Variants in FANCI observed in about 807,000 individuals in gnomAD.
The protein encoded by FANCI is FA complementation group I.
Under a neutral mutation model 176.1 loss-of-function variants are expected in FANCI, and 156 were observed. That is an observed-to-expected ratio of 0.89 (90% confidence interval 0.78 to 1.01). The LOEUF is 1.01. Among genes scored for constraint, FANCI ranks in the 50% least tolerant of loss-of-function variants. FANCI has a pLI of 0.00. For missense variants in FANCI, 1,678 were observed against 1,534.1 expected (o/e 1.09, Z -1.57); for synonymous variants, 613 against 541.7 (o/e 1.13, Z -1.83).
rs756322546 is a variant in FANCI at position 89,292,970 on chromosome 15, C to G, written c.2198C>G (p.Thr733Ser). 2 of 1,613,854 alleles carry G rather than the reference C, an allele frequency of 1.2e-6. No homozygotes were observed. Among genetic ancestry groups the G allele is most frequent in the Non-Finnish European group, 1.7e-6 (2 of 1,179,980 alleles). ...LDKSADFSQS[T>S]SIGIKNNICA... is the part of the protein sequence containing the mutation. ...AAATCAGCAGATTTTTCTCAGAGCACCAGTATTGGCATAAAAAATAATATC... is the reference window on the plus strand; with the variant it reads ...AAATCAGCAGATTTTTCTCAGAGCAGCAGTATTGGCATAAAAAATAATATC... Residue 733 changes from threonine (T) to serine (S), a missense_variant, in exon 22 of 38, where the codon ACC becomes AGC. By Grantham distance (58) the Thr-to-Ser change is moderately conservative. Coordinates refer to ENST00000310775, the MANE Select transcript of FANCI (RefSeq NM_001113378.2).
chr15:89,263,317 A>G, intron 6 of FANCI, 102 bp from the exon 7 acceptor site: 1 of 935,088 alleles, frequency 1.1e-6, no homozygotes, highest in Non-Finnish European at 1.7e-6. Flanking sequence ...GGTATTGCAA[A>G]ATCAAACTTG....
intron 3 of FANCI, chr15:89,258,982 G>C (rs946294373): frequency 1.5e-5 from 8 of 549,270 alleles, no homozygotes; most frequent in Non-Finnish European, 2.6e-5. Context: ...ACCTGAGATT[G>C]CGTTGCTGAT....
Position 89,276,344 on chromosome 15 carries a change from T to A in FANCI, c.1113-367T>A, listed in dbSNP as rs145989611. Among the ~76,000 whole-genome samples the A allele has an allele frequency of 2.6e-3, 402 of 152,328 alleles. 8 individuals are homozygous for A. Among genetic ancestry groups the A allele is most frequent in the East Asian group, 0.015 (77 of 5,186 alleles). ...CCTCTCTCCTAGAGAATCTCTGTCT[T>A]TGGAGGGGAGCTAATTTGTAAGCCT... On this transcript the variant is annotated intron_variant, in intron 12 of 37. Transcript: ENST00000310775.
In FANCI at chr15:89,294,105, C is replaced by T. The variant is rs1043461198; in HGVS notation, c.2456+108C>T. 4.6e-5 allele frequency: 58 copies of T among 1,267,560 alleles called. No homozygotes were observed. The African/African-American group carries it at 8.3e-4, about 18-fold the overall frequency. The allele number at this position is 1,267,560 out of a possible 1,614,324, so 78.5% of individuals were successfully genotyped here. On this transcript the variant is annotated intron_variant, in intron 23 of 37. Coordinates refer to ENST00000310775, the MANE Select transcript of FANCI (RefSeq NM_001113378.2). ...GGATTGTTTACAGTAAGAAATAAGT[C>T]AGGAGGTTTTATTTTTCTTGAAATA... is the stretch of plus-strand genomic sequence containing the variant.
At chr15:89,245,573 G>C (rs1188240116) in intron 1 of FANCI, among the ~76,000 whole-genome samples, 1 of 151,784 alleles carries the variant, frequency 6.6e-6, no homozygotes, top group African/African-American at 2.4e-5. Flanking sequence ...AAAGATTGGG[G>C]GGCAGTGGAT....
intron 35 of FANCI, among the ~76,000 whole-genome samples, chr15:89,314,354 CCCT>C (rs1158075178): frequency 6.6e-6 from 1 of 152,182 alleles, no homozygotes; most frequent in African/African-American, 2.4e-5. Flanking sequence ...AGTGATCCTG[CCCT>C]CCTCAGCCAT....
intron 9 of FANCI, among the ~76,000 whole-genome samples, chr15:89,267,359 C>T (rs2053011491): frequency 6.8e-6 from 1 of 147,428 alleles, no homozygotes; most frequent in South Asian, 2.1e-4. Context: ...TGAGAAGAGG[C>T]CAGTGATGAT....
In FANCI at chr15:89,283,266, G is replaced by A. The variant is rs142941067; in HGVS notation, c.1698+16G>A. ...TGTCAGTCAGGTAAGGATTATTTAC[G>A]TTAACTTGCAGTGTGTGCGTATCAT... is the stretch of plus-strand genomic sequence containing the variant. On this transcript the variant is annotated intron_variant, in intron 17 of 37. Transcript: ENST00000310775. 1,884 of 1,613,670 alleles carry A rather than the reference G, an allele frequency of 1.2e-3. 4 individuals are homozygous for A. The highest frequency in any genetic ancestry group is 1.5e-3 in the Non-Finnish European group (1,812 of 1,179,774).
Position 89,300,289 on chromosome 15 carries a change from T to C in FANCI, c.2804-11T>C. On this transcript the variant is annotated splice_polypyrimidine_tract_variant and intron_variant, in intron 25 of 37. Transcript: ENST00000310775. ...TATCAAAGAAGACAAGAGTTTCTTTTCCATTCCTAGATGTCACAGATAAGG... is the reference window on the plus strand; with the variant it reads ...TATCAAAGAAGACAAGAGTTTCTTTCCCATTCCTAGATGTCACAGATAAGG... 6.2e-7 allele frequency: 1 copy of C among 1,612,082 alleles called. No individual in the cohort carries two copies. The highest frequency in any genetic ancestry group is 1.1e-5 in the South Asian group (1 of 90,934).
In FANCI at chr15:89,314,058, G is replaced by GACAC. The variant is rs544351534; in HGVS notation, c.3721-538_3721-535dup. Among the ~76,000 whole-genome samples the GACAC allele has an allele frequency of 1.4e-4, 9 of 62,282 alleles. No homozygotes were observed. In the South Asian group the frequency reaches 2.5e-3, roughly 17 times the overall value. The allele number at this position is 62,282 out of a possible 152,430, so 40.9% of individuals were successfully genotyped here. On this transcript the variant is annotated intron_variant, in intron 35 of 37. Coordinates refer to ENST00000310775, the MANE Select transcript of FANCI (RefSeq NM_001113378.2). ...TTAGGGGGAAAGATATATAATCACA[G>GACAC]ACACACACACACACACACAAATGTA...
Position 89,273,519 on chromosome 15 carries a change from A to C in FANCI, c.975+50A>C, listed in dbSNP as rs747532056. On this transcript the variant is annotated intron_variant, in intron 11 of 37. Coordinates refer to ENST00000310775, the MANE Select transcript of FANCI (RefSeq NM_001113378.2). ...TTTCTTTCTGTAGTTGGTAAAAAAA[A>C]AAAAAAAAAAAAAAAATCACAGTAA... 2.1e-5 allele frequency: 21 copies of C among 986,298 alleles called. No individual in the cohort carries two copies. In the African/African-American group the frequency reaches 2.9e-4, roughly 14 times the overall value. 61.1% of individuals were successfully genotyped at this position (986,298 alleles called of 1,614,324 possible).
chr15:89,278,933 C>G (rs1255780892), intron 14 of FANCI, among the ~76,000 whole-genome samples, 159 bp downstream of exon 14: 1 of 152,154 alleles, frequency 6.6e-6, no homozygotes, highest in Non-Finnish European at 1.5e-5. Context: ...CTGGGATTGT[C>G]AGTTGTCAAA....
chr15:89,285,245 A>G, intron 18 of FANCI, 27 bp downstream of exon 18: 4 of 1,613,420 alleles, frequency 2.5e-6, no homozygotes, highest in Non-Finnish European at 1.7e-6. Context: ...GAAAGAATGT[A>G]GCAAAACCCC....
At chr15:89,312,174 C>G (rs777079125) in intron 34 of FANCI, among the ~76,000 whole-genome samples, 12 of 152,114 alleles carry the variant, frequency 7.9e-5, no homozygotes, top group Non-Finnish European at 1.3e-4. Context: ...ACTGCAGGGC[C>G]CTGCAGCAGC....
intron 27 of FANCI, among the ~76,000 whole-genome samples, chr15:89,302,642 C>T (rs1360437416): frequency 3.3e-5 from 5 of 151,482 alleles, no homozygotes; most frequent in African/African-American, 7.3e-5. Flanking sequence ...GGCGCCATCT[C>T]AGCTCACTGC....
chr15:89,276,629 A>G, intron 12 of FANCI, 82 bp from the exon 13 acceptor site: 5 of 1,489,560 alleles, frequency 3.4e-6, no homozygotes, highest in Non-Finnish European at 4.7e-6. Context: ...AAGTTTGGGA[A>G]ATGTATAACA....
At chr15:89,268,283 C>T in intron 9 of FANCI, 116 bp from the exon 10 acceptor site, 1 of 1,051,970 alleles carries the variant, frequency 9.5e-7, no homozygotes, top group Non-Finnish European at 1.5e-6. Context: ...TTAGTAGAGG[C>T]TGGTCTTGAA....
chr15:89,308,292 C>G (rs1051848335), intron 34 of FANCI: 7 of 536,784 alleles, frequency 1.3e-5, no homozygotes, highest in African/African-American at 8.2e-5. Flanking sequence ...AGTAGCAGCC[C>G]CCTAGTTTTA....
chr15:89,271,473 G>A (rs775505444), intron 10 of FANCI, among the ~76,000 whole-genome samples: 15 of 152,042 alleles, frequency 9.9e-5, no homozygotes, highest in Non-Finnish European at 1.6e-4. Flanking sequence ...GTGTTGTAGC[G>A]TATGTCAGTA....
Sources: allele counts gnomAD v4.1 joint callset (sites outside exome capture counted in the v4.1 genomes callset), GRCh38; gene constraint gnomAD v4.1.1; transcripts MANE v1.5; gene names NCBI Gene and HGNC (gene_info 2026-07-23, HGNC 2026-07-21).